Variants in IL3RA observed in about 807,000 individuals in gnomAD.
The protein encoded by IL3RA is interleukin 3 receptor subunit alpha.
Under a neutral mutation model 52.3 loss-of-function variants are expected in IL3RA, and 73 were observed. That is an observed-to-expected ratio of 1.40 (90% CI 1.16 to 1.70). IL3RA has a LOEUF of 1.70. IL3RA is among the 40% of genes most tolerant of loss of function. The pLI is 0.00. For synonymous variants in IL3RA, 260 were observed against 194.0 expected (o/e 1.34, Z -2.83); for missense variants, 664 against 504.4 (o/e 1.32, Z -3.03).
chrX:1,377,165 T>G (rs1399522915), intron 9 of IL3RA, among the ~76,000 whole-genome samples: 1 of 152,176 alleles, frequency 6.6e-6, no homozygotes, highest in Non-Finnish European at 1.5e-5. Flanking sequence ...GCCCTGCCCA[T>G]GCCCATCTCT....
At chrX:1,350,909 A>ACACACG (rs1232955899) in intron 4 of IL3RA, among the ~76,000 whole-genome samples, 7 of 149,978 alleles carry the variant, frequency 4.7e-5, no homozygotes, top group Non-Finnish European at 3.0e-5. Flanking sequence ...ACAGATGCAC[A>ACACACG]CACACGCACA....
chrX:1,343,554 C>G (rs1190405653), intron 2 of IL3RA, among the ~76,000 whole-genome samples: 14 of 149,390 alleles, frequency 9.4e-5, no homozygotes, highest in South Asian at 2.1e-4. Context: ...GTAATCCCTG[C>G]TACTCAGGAG....
At chrX:1,359,369 G>T (rs1426453770) in intron 8 of IL3RA, among the ~76,000 whole-genome samples, 1 of 152,038 alleles carries the variant, frequency 6.6e-6, no homozygotes, top group Non-Finnish European at 1.5e-5. Flanking sequence ...GGATCTGCAG[G>T]AACAGACAGC....
chrX:1,365,398 T>C (rs1422157636), intron 9 of IL3RA, 146 bp downstream of exon 9: 1 of 54,036 alleles, frequency 1.9e-5, no homozygotes. Context: ...CTGCGCGGGG[T>C]GAGCGGGGTG....
Position 1,381,041 on chromosome X carries a change from A to T in IL3RA, c.999A>T (p.Arg333Ser), listed in dbSNP as rs747621139. 1.9e-6 allele frequency: 3 copies of T among 1,613,368 alleles called. No homozygotes were observed. In the Admixed American group the frequency reaches 5.0e-5, roughly 27 times the overall value. The change falls in exon 11 of 12, where the codon AGA becomes AGT. Residue 333 changes from arginine to serine, a missense_variant. Arg to Ser is a moderately radical substitution (Grantham distance 110, BLOSUM62 -1). Transcript: ENST00000331035. ...CTCCGAGGTATCTGGTGATGCAGAG[A>T]CTCTTTCCCCGCATCCCTCACATGA... The part of the protein sequence containing the change: ...VICRRYLVMQ[R>S]LFPRIPHMKD...
intron 1 of IL3RA, among the ~76,000 whole-genome samples, chrX:1,337,873 T>A (rs1256035304): frequency 5.3e-5 from 8 of 151,114 alleles, no homozygotes; most frequent in African/African-American, 2.0e-4. Flanking sequence ...ACAGCCCTCA[T>A]ACCCATCTAT....
chrX:1,378,457 G>C (rs570646301), intron 9 of IL3RA, among the ~76,000 whole-genome samples: 3 of 149,682 alleles, frequency 2.0e-5, no homozygotes, highest in African/African-American at 7.7e-5. Context: ...AGTCGCTCCC[G>C]GTCCTGGTAC....
In IL3RA at chrX:1,355,701, G is replaced by T. The variant is rs1398351949; in HGVS notation, c.617-520G>T. ...GCCAGGCAGGGGCCAGGAAGTGGAA[G>T]CTTCAGGAGGATGTGTGCAGGTCAA... is the stretch of plus-strand genomic sequence containing the variant. On this transcript the variant is annotated intron_variant, in intron 6 of 11. Coordinates refer to ENST00000331035, the MANE Select transcript of IL3RA (RefSeq NM_002183.4). Among the ~76,000 whole-genome samples the T allele has an allele frequency of 2.6e-5, 4 of 151,952 alleles. 1 individual carries two copies. The highest frequency in any genetic ancestry group is 5.9e-5 in the Non-Finnish European group (4 of 67,938).
At chrX:1,356,082 C>G (rs1310476641) in intron 6 of IL3RA, 139 bp from the exon 7 acceptor site, 1 of 641,298 alleles carries the variant, frequency 1.6e-6, no homozygotes, top group Non-Finnish European at 2.8e-6. Context: ...GTTCCCTCTT[C>G]CTTCCTGGTG....
At chrX:1,382,310 G>A (rs1307765147) in intron 11 of IL3RA, 81 bp from the exon 12 acceptor site, 23 of 741,036 alleles carry the variant, frequency 3.1e-5, no homozygotes, top group Non-Finnish European at 4.0e-5. Context: ...ATCTGAGATG[G>A]GACAGGCCCC....
chrX:1,365,922 A>C (rs866163522), intron 9 of IL3RA, among the ~76,000 whole-genome samples: 3 of 2,904 alleles, frequency 1.0e-3, no homozygotes, highest in Admixed American at 6.6e-3. Flanking sequence ...GAGCCGGGTG[A>C]GCGGGGTGAG....
chrX:1,359,756 C>G (rs2087038118), intron 8 of IL3RA, among the ~76,000 whole-genome samples: 1 of 149,270 alleles, frequency 6.7e-6, no homozygotes, highest in African/African-American at 2.5e-5. Context: ...CTCTGTGTCT[C>G]TGTCTCTCCC....
intron 8 of IL3RA, among the ~76,000 whole-genome samples, chrX:1,362,672 G>T (rs1301062777): frequency 6.6e-6 from 1 of 152,060 alleles, no homozygotes; most frequent in African/African-American, 2.4e-5. Context: ...GCTTCTCCCA[G>T]CTCCTGGGGA....
At chrX:1,347,985 C>T (rs17880054) in intron 3 of IL3RA, among the ~76,000 whole-genome samples, 24,633 of 143,920 alleles carry the variant, frequency 0.17, 2,121 homozygotes, top group Middle Eastern at 0.32. Context: ...TACAGTGAGC[C>T]GAGATCGCGC....
At chrX:1,349,651 T>C (rs1260282678) in intron 4 of IL3RA, among the ~76,000 whole-genome samples, 1 of 150,524 alleles carries the variant, frequency 6.6e-6, no homozygotes, top group African/African-American at 2.5e-5. Flanking sequence ...CCATGGTTTA[T>C]TTTTTTGTTT....
At chrX:1,377,648 G>T (rs1215724468) in intron 9 of IL3RA, among the ~76,000 whole-genome samples, 2 of 151,364 alleles carry the variant, frequency 1.3e-5, no homozygotes, top group East Asian at 2.0e-4. Flanking sequence ...AGGTTCTGGG[G>T]GTGAGGTCAT....
chrX:1,353,085 A>AC (rs1469163336), intron 6 of IL3RA, among the ~76,000 whole-genome samples: 8 of 146,890 alleles, frequency 5.4e-5, no homozygotes, highest in Non-Finnish European at 8.9e-5. Flanking sequence ...TGGTCATAGG[A>AC]CCCCCTATCA....
rs1569520581 is a variant in IL3RA, at chrX:1,348,448, T to C, written c.201T>C (p.Tyr67=). The C allele has an allele frequency of 1.9e-6, 3 of 1,613,730 alleles. No individual in the cohort carries two copies. The highest frequency in any genetic ancestry group is 2.2e-5 in the East Asian group (1 of 44,876). Residue 67 remains tyrosine, a synonymous_variant, in exon 4 of 12, where the codon TAT becomes TAC. Coordinates refer to ENST00000331035, the MANE Select transcript of IL3RA (RefSeq NM_002183.4). ...DYSMPAVNNS[Y]CQFGAISLCE... Reference sequence around the variant, plus strand: ...TCTCTTAGGCAGTGAACAATAGCTATTGCCAGTTTGGAGCAATTTCCTTAT... The same window carrying C: ...TCTCTTAGGCAGTGAACAATAGCTACTGCCAGTTTGGAGCAATTTCCTTAT...
intron 7 of IL3RA, among the ~76,000 whole-genome samples, chrX:1,357,739 T>A (rs1277220807): frequency 6.6e-6 from 1 of 151,968 alleles, no homozygotes; most frequent in African/African-American, 2.4e-5. Context: ...CTAAAAAACG[T>A]TAGGTCTATT....
Sources: allele counts gnomAD v4.1 joint callset (sites outside exome capture counted in the v4.1 genomes callset), GRCh38; gene constraint gnomAD v4.1.1; transcripts MANE v1.5; gene names NCBI Gene and HGNC (gene_info 2026-07-23, HGNC 2026-07-21).